The following RBPJ variants were observed in gnomAD, a reference collection of about 807,000 sequenced individuals.
RBPJ encodes recombining binding protein suppressor of hairless.
In RBPJ, 9 loss-of-function variants were observed where a neutral mutation model predicts 67.8. The observed-to-expected ratio is 0.13, with a 90% CI of 0.08 to 0.23. The LOEUF is 0.23. Ranked by LOEUF, RBPJ falls within the 10% of genes least tolerant of loss-of-function variation. The probability of loss-of-function intolerance (pLI) is 1.00; values close to 1 mark genes in which losing one functional copy is unlikely to be tolerated. For missense variants in RBPJ, 305 were observed against 595.6 expected, an observed-to-expected ratio of 0.51 and a Z score of 5.08; for synonymous variants, 198 against 203.3, an observed-to-expected ratio of 0.97 and a Z score of 0.22.
At chr4:26,293,439 G>A (rs572686670) in intron 1 of RBPJ, among the ~76,000 whole-genome samples, 2 of 150,094 alleles carry the variant, frequency 1.3e-5, no homozygotes, top group South Asian at 4.2e-4. Flanking sequence ...TTCAAGGGCA[G>A]CCTGGGCAAC....
chr4:26,295,237 G>T (rs1318165963), intron 1 of RBPJ, among the ~76,000 whole-genome samples: 1 of 133,132 alleles, frequency 7.5e-6, no homozygotes, highest in Non-Finnish European at 1.5e-5. Flanking sequence ...AGGAAGAAAG[G>T]GTGCATCAGT....
intron 1 of RBPJ, among the ~76,000 whole-genome samples, chr4:26,276,829 TTCTG>T (rs1434526983): frequency 6.6e-6 from 1 of 152,254 alleles, no homozygotes; most frequent in Non-Finnish European, 1.5e-5. Context: ...AAATTCTTCT[TTCTG>T]TCTGTTTCCT....
chr4:26,112,868 C>T, the RBPJ span: 1 of 146,596 alleles, frequency 6.8e-6, no homozygotes, highest in Admixed American at 7.1e-5. Context: ...AAGCGATTCT[C>T]TTGCCTCAGC....
intron 1 of RBPJ, among the ~76,000 whole-genome samples, chr4:26,286,297 A>T (rs577924684): frequency 2.4e-4 from 36 of 152,184 alleles, no homozygotes; most frequent in Non-Finnish European, 4.0e-4. Context: ...AGGGCAACAC[A>T]GTGAGACCAG....
chr4:26,190,961 C>CGGA (rs1717463704), intron 1 of RBPJ, among the ~76,000 whole-genome samples: 1 of 151,204 alleles, frequency 6.6e-6, no homozygotes, highest in Non-Finnish European at 1.5e-5. Context: ...GCCTGGGCAA[C>CGGA]ATACCGAGAC....
the RBPJ span, among the ~76,000 whole-genome samples, chr4:26,128,810 A>G: frequency 6.6e-6 from 1 of 152,152 alleles, no homozygotes; most frequent in Non-Finnish European, 1.5e-5. Flanking sequence ...GGTTTCCCCC[A>G]TATTGTTCTT....
chr4:26,223,162 A>G (rs1718971350), intron 1 of RBPJ, among the ~76,000 whole-genome samples: 1 of 151,834 alleles, frequency 6.6e-6, no homozygotes, highest in African/African-American at 2.4e-5. Context: ...CTCAAAAAAA[A>G]AAAAAAAAAG....
chr4:26,398,619 G>T (rs1260594009), intron 2 of RBPJ, among the ~76,000 whole-genome samples: 1 of 152,116 alleles, frequency 6.6e-6, no homozygotes, highest in East Asian at 1.9e-4. Flanking sequence ...TCAGAATTCT[G>T]TTTTTCTTTT....
chr4:26,430,321 T>TA lies in RBPJ; in HGVS notation c.1045-98_1045-97insA. The stretch of plus-strand genomic sequence containing the variant: ...TAAAAAACATTTTAATTGCCCTTTT[T>TA]TAAAAAAAACAAATGAAAGTTGAAT... On this transcript the variant is annotated intron_variant, in intron 9 of 10. Coordinates refer to ENST00000355476, the MANE Select transcript of RBPJ (RefSeq NM_015874.6). The surrounding 1 kb of genome is among the most constrained non-coding windows in gnomAD (Gnocchi z 4.1). The TA allele has an allele frequency of 9.0e-7, 1 of 1,114,206 alleles. No homozygotes were observed. The highest frequency in any genetic ancestry group is 1.6e-5 in the African/African-American group (1 of 63,034). 69.0% of individuals were successfully genotyped at this position (1,114,206 alleles called of 1,614,324 possible).
chr4:26,130,273 G>A, the RBPJ span, among the ~76,000 whole-genome samples: 3 of 152,130 alleles, frequency 2.0e-5, no homozygotes, highest in Admixed American at 6.5e-5. Context: ...AGTTCACCTC[G>A]ATAGATACAA....
At chr4:26,237,757 G>C (rs1280291685) in intron 1 of RBPJ, among the ~76,000 whole-genome samples, 1 of 152,184 alleles carries the variant, frequency 6.6e-6, no homozygotes, top group Non-Finnish European at 1.5e-5. Flanking sequence ...GGGCTGTTGA[G>C]AGAATTAAAT....
chr4:26,151,682 G>C, the RBPJ span, among the ~76,000 whole-genome samples: 2,285 of 152,294 alleles, frequency 0.015, 78 homozygotes, highest in African/African-American at 0.053. Flanking sequence ...ACAGCCTTCC[G>C]ACTACCCAGT....
chr4:26,292,288 A>C (rs1721697029), intron 1 of RBPJ, among the ~76,000 whole-genome samples: 1 of 150,630 alleles, frequency 6.6e-6, no homozygotes, highest in South Asian at 2.1e-4. Context: ...AACTTCATAG[A>C]TTTTACATAA....
intron 1 of RBPJ, among the ~76,000 whole-genome samples, chr4:26,180,160 T>C (rs1320744747): frequency 6.6e-6 from 1 of 151,916 alleles, no homozygotes; most frequent in Non-Finnish European, 1.5e-5. Context: ...CAACAGACAC[T>C]GGGATCTTTT....
the RBPJ span, among the ~76,000 whole-genome samples, chr4:26,116,108 C>A: frequency 6.6e-6 from 1 of 152,212 alleles, no homozygotes; most frequent in Non-Finnish European, 1.5e-5. Flanking sequence ...TTCTCATGTT[C>A]TCATTCAATA....
At chr4:26,330,043 A>G (rs1446848785) in intron 1 of RBPJ, among the ~76,000 whole-genome samples, 1 of 152,224 alleles carries the variant, frequency 6.6e-6, no homozygotes, top group Non-Finnish European at 1.5e-5. Context: ...GTAGGAAAAA[A>G]CCTGAAATTA....
chr4:26,255,319 G>A (rs1156871911), intron 1 of RBPJ, among the ~76,000 whole-genome samples: 1 of 125,770 alleles, frequency 8.0e-6, no homozygotes, highest in Non-Finnish European at 1.6e-5. Flanking sequence ...CAGGAGAATG[G>A]CGTGAACCCA....
rs1721598146 is a variant in RBPJ at position 26,289,514 on chromosome 4, A to G, written c.-166-72932A>G. 2.7e-5 allele frequency among the ~76,000 whole-genome samples: 4 copies of G among 150,676 alleles called. 1 individual carries two copies. The South Asian group carries it at 8.4e-4, about 32-fold the overall frequency. On this transcript the variant is annotated intron_variant, in intron 1 of 4. Coordinates refer to the RBPJ transcript ENST00000512351. ...TTCTGGCAGCAGAGGTGAAAAGAGA[A>G]GCGTGATAGGCTGCAGAGATTTCAC...
intron 1 of RBPJ, among the ~76,000 whole-genome samples, chr4:26,357,115 T>C (rs1727466280): frequency 6.6e-6 from 1 of 152,230 alleles, no homozygotes; most frequent in South Asian, 2.1e-4. Context: ...TATTTTTTAA[T>C]GTTTTGCTTA....
Sources: gnomAD v4.1 joint callset for allele counts (sites outside exome capture counted in the v4.1 genomes callset) on GRCh38, gnomAD v4.1.1 for gene constraint, Gnocchi (gnomAD v3.1) non-coding constraint, MANE v1.5 for transcripts, NCBI Gene and HGNC (gene_info 2026-07-23, HGNC 2026-07-21) for gene names.